The following DPP10 variants were observed in gnomAD, a reference collection of about 807,000 sequenced individuals.
DPP10 encodes the protein dipeptidyl peptidase like 10.
A neutral mutation model predicts 120.9 loss-of-function variants in DPP10; 33 were observed. The observed-to-expected ratio is 0.27, with a 90% CI of 0.21 to 0.37. The LOEUF is 0.37. Ranked by LOEUF, DPP10 falls within the 10% of genes least tolerant of loss-of-function variation. The pLI is 1.00. For synonymous variants in DPP10, 337 were observed against 326.1 expected, an observed-to-expected ratio of 1.03 and a Z score of -0.36; for missense variants, 816 against 942.8, an observed-to-expected ratio of 0.87 and a Z score of 1.76.
chr2:115,701,147 A>C (rs529435708), intron 7 of DPP10, among the ~76,000 whole-genome samples: 1 of 152,228 alleles, frequency 6.6e-6, no homozygotes, highest in South Asian at 2.1e-4. Context: ...ATTTGTAAAA[A>C]AGAAGAAAGT....
chr2:115,605,233 TTAATGCTGA>T (rs1441897787), intron 5 of DPP10, among the ~76,000 whole-genome samples: 1 of 152,104 alleles, frequency 6.6e-6, no homozygotes, highest in African/African-American at 2.4e-5. Context: ...GTTATATAAT[TTAATGCTGA>T]TAAGAAACAT....
rs555936766 is a variant in DPP10 at position 114,934,257 on chromosome 2, A to G, written c.61-374982A>G. Among the ~76,000 whole-genome samples, 4 of 152,308 alleles carry G rather than the reference A, an allele frequency of 2.6e-5. No homozygotes were observed. The South Asian group carries it at 6.2e-4, about 24-fold the overall frequency. On this transcript the variant is annotated intron_variant, in intron 1 of 25. Coordinates refer to ENST00000410059, the MANE Select transcript of DPP10 (RefSeq NM_020868.6). ...AAGTATAACTTTTGACTCCCCAAAA[A>G]CTTAACTACTAATAGCCTCCTTTGA...
chr2:115,281,932 G>C (rs754188522), intron 1 of DPP10, among the ~76,000 whole-genome samples: 1 of 151,950 alleles, frequency 6.6e-6, no homozygotes, highest in Non-Finnish European at 1.5e-5. Flanking sequence ...TTTAGTTTTA[G>C]TATTAATTTT....
chr2:115,282,426 G>A (rs2060196926), intron 1 of DPP10, among the ~76,000 whole-genome samples: 1 of 151,850 alleles, frequency 6.6e-6, no homozygotes, highest in Admixed American at 6.6e-5. Flanking sequence ...ATTTGCCCCT[G>A]GTTTTCTGAA....
chr2:114,767,291 A>T (rs1156387126), intron 1 of DPP10, among the ~76,000 whole-genome samples: 2 of 146,746 alleles, frequency 1.4e-5, no homozygotes, highest in African/African-American at 2.5e-5. Context: ...AAAGATATAT[A>T]ATATATATAT....
chr2:115,580,854 A>G (rs544871625), intron 5 of DPP10, among the ~76,000 whole-genome samples: 2 of 152,156 alleles, frequency 1.3e-5, no homozygotes, highest in Non-Finnish European at 2.9e-5. Flanking sequence ...CAAGAGGCCA[A>G]GATATTTTTC....
intron 1 of DPP10, among the ~76,000 whole-genome samples, chr2:115,280,625 A>C (rs562193495): frequency 6.6e-6 from 1 of 152,348 alleles, no homozygotes; most frequent in East Asian, 1.9e-4. Flanking sequence ...ACACATGTTG[A>C]GAAATTATCT....
chr2:115,779,247 T>C (rs1182529383), intron 15 of DPP10, among the ~76,000 whole-genome samples: 1 of 152,168 alleles, frequency 6.6e-6, no homozygotes, highest in Non-Finnish European at 1.5e-5. Flanking sequence ...ACAGTCAATG[T>C]ATCTCTGACA....
chr2:115,755,888 C>T (rs1299910553), intron 11 of DPP10, among the ~76,000 whole-genome samples: 1 of 150,586 alleles, frequency 6.6e-6, no homozygotes, highest in Non-Finnish European at 1.5e-5. Flanking sequence ...AAAAAGCATA[C>T]ATATATACTT....
chr2:115,081,060 T>G (rs1708234362), intron 1 of DPP10, among the ~76,000 whole-genome samples: 1 of 152,208 alleles, frequency 6.6e-6, no homozygotes, highest in African/African-American at 2.4e-5. Context: ...TTTTTCTCAG[T>G]CTTTTTTTCC....
intron 1 of DPP10, among the ~76,000 whole-genome samples, chr2:115,160,838 T>A (rs568424187): frequency 6.6e-6 from 1 of 152,182 alleles, no homozygotes; most frequent in Admixed American, 6.5e-5. Flanking sequence ...GTAAGCTCCC[T>A]GCAGCCAGGG....
intron 1 of DPP10, among the ~76,000 whole-genome samples, chr2:115,273,805 A>G (rs1237079823): frequency 6.6e-6 from 1 of 152,220 alleles, no homozygotes; most frequent in Non-Finnish European, 1.5e-5. Flanking sequence ...ACTGATCCTA[A>G]AGATTGAATT....
At chr2:115,028,684 C>T (rs945886821) in intron 1 of DPP10, among the ~76,000 whole-genome samples, 32 of 151,924 alleles carry the variant, frequency 2.1e-4, no homozygotes, top group Non-Finnish European at 3.8e-4. Context: ...ATACTGAAGC[C>T]TGTCTTTGCT....
intron 1 of DPP10, among the ~76,000 whole-genome samples, chr2:115,103,850 T>C (rs2048817769): frequency 6.6e-6 from 1 of 152,206 alleles, no homozygotes; most frequent in Non-Finnish European, 1.5e-5. Flanking sequence ...AATGTACTGG[T>C]TGATAATTAC....
At chr2:115,047,773 A>T (rs7591674) in intron 1 of DPP10, among the ~76,000 whole-genome samples, 22,201 of 152,110 alleles carry the variant, frequency 0.15, 1,724 homozygotes, top group African/African-American at 0.21. Context: ...GATATTAGTA[A>T]CAAAAAGAGA....
At chr2:115,249,842 T>G (rs1344926361) in intron 1 of DPP10, among the ~76,000 whole-genome samples, 1 of 152,182 alleles carries the variant, frequency 6.6e-6, no homozygotes, top group Non-Finnish European at 1.5e-5. Context: ...TTGTGGTGAA[T>G]GGATAACTTA....
chr2:115,340,084 C>T (rs1158031382), intron 2 of DPP10, among the ~76,000 whole-genome samples: 1 of 152,004 alleles, frequency 6.6e-6, no homozygotes, highest in Admixed American at 6.6e-5. Context: ...TTTCTTGCAA[C>T]TTCATATGAA....
chr2:114,962,189 C>G (rs540363903), intron 1 of DPP10, among the ~76,000 whole-genome samples: 3 of 151,914 alleles, frequency 2.0e-5, no homozygotes, highest in African/African-American at 7.3e-5. Context: ...AAAATAGGGT[C>G]ACACAAAAAA....
intron 1 of DPP10, among the ~76,000 whole-genome samples, chr2:114,475,008 C>T (rs984912978): frequency 6.6e-6 from 1 of 152,214 alleles, no homozygotes; most frequent in Non-Finnish European, 1.5e-5. Context: ...TTGAAGCAAT[C>T]TGGTCAGCTT....
Sources: gnomAD v4.1 joint callset for allele counts (sites outside exome capture counted in the v4.1 genomes callset) on GRCh38, gnomAD v4.1.1 for gene constraint, MANE v1.5 for transcripts, NCBI Gene and HGNC (gene_info 2026-07-23, HGNC 2026-07-21) for gene names.